The following KCNQ4 variants were observed in gnomAD, a reference collection of about 807,000 sequenced individuals.
KCNQ4 encodes potassium voltage-gated channel subfamily Q member 4, also known as potassium voltage-gated channel subfamily KQT member 4.
KCNQ4 carries 31 observed loss-of-function variants against 72.6 expected under a neutral mutation model. The ratio of observed to expected loss-of-function variants is 0.43; its 90% CI spans 0.32 to 0.58. The LOEUF (loss-of-function observed/expected upper bound fraction) is 0.58. Among genes scored for constraint, KCNQ4 ranks in the 20% least tolerant of loss-of-function variants. The pLI is 0.08. For missense variants in KCNQ4, 869 were observed against 962.6 expected, an observed-to-expected ratio of 0.90 and a Z score of 1.29; for synonymous variants, 405 against 403.7, an observed-to-expected ratio of 1.00 and a Z score of -0.04.
chr1:40,802,796 G>A (rs1647624317), intron 1 of KCNQ4, among the ~76,000 whole-genome samples: 2 of 152,202 alleles, frequency 1.3e-5, no homozygotes, highest in South Asian at 4.1e-4. Context: ...GGTTCACCCA[G>A]GGGAGACCCC....
In KCNQ4 at chr1:40,818,643, G is replaced by T; in HGVS notation, c.671G>T (p.Trp224Leu). Reference sequence around the variant, plus strand: ...CGCATGGACCGCCGCGGCGGCACCTGGAAGCTGCTGGGCTCAGTGGTCTAC... The same window carrying T: ...CGCATGGACCGCCGCGGCGGCACCTTGAAGCTGCTGGGCTCAGTGGTCTAC... ...MVRMDRRGGT[W>L]KLLGSVVYAH... Residue 224 changes from tryptophan to leucine, a missense_variant, in exon 4 of 14, where the codon TGG becomes TTG. Coordinates refer to ENST00000347132, the MANE Select transcript of KCNQ4 (RefSeq NM_004700.4). 6.2e-7 allele frequency: 1 copy of T among 1,606,342 alleles called. No homozygotes were observed. Among genetic ancestry groups the T allele is most frequent in the East Asian group, 2.2e-5 (1 of 44,776 alleles).
rs12037865 is a variant in KCNQ4, at chr1:40,786,496, G to A, written c.314+2089G>A. Among the ~76,000 whole-genome samples, 185 of 152,320 alleles carry A rather than the reference G, an allele frequency of 1.2e-3. 2 individuals are homozygous for A. In the East Asian group the frequency reaches 0.032, roughly 27 times the overall value. Reference sequence around the variant, plus strand: ...GTGCTTGTCCTGACCACTTGTCCCCGGGAGCCCAGGGCCAGGGCATGTCTT... The same window carrying A: ...GTGCTTGTCCTGACCACTTGTCCCCAGGAGCCCAGGGCCAGGGCATGTCTT... On this transcript the variant is annotated intron_variant, in intron 1 of 13. Transcript: ENST00000347132.
rs1648237097 is a variant in KCNQ4 at position 40,819,934 on chromosome 1, C to T, written c.894C>T (p.Val298=). ...DKTPHTWLGR[V]LAAGFALLGI... ...CACCGCACACATGGCTGGGCAGGGT[C>T]CTGGCTGCTGGCTTCGCCTTACTGG... Residue 298 remains valine, a synonymous_variant, in exon 6 of 14, where the codon GTC becomes GTT. Transcript: ENST00000347132. The T allele has an allele frequency of 1.2e-6, 2 of 1,614,208 alleles. No homozygotes were observed. Among genetic ancestry groups the T allele is most frequent in the Non-Finnish European group, 1.7e-6 (2 of 1,180,028 alleles).
intron 1 of KCNQ4, among the ~76,000 whole-genome samples, chr1:40,795,255 C>CT (rs10632610): frequency 0.043 from 5,584 of 128,476 alleles, 208 homozygotes; most frequent in Middle Eastern, 0.11. Context: ...GTGGTTTTAC[C>CT]TTTTTTTTTT....
rs913378 is a variant in KCNQ4, at chr1:40,832,980, T to C, written c.1514-34T>C. ...GATGGGAGGTTGGGAGTGGCCCCTT[T>C]GGTGGGCCACTTGCCCCATACCTGC... On this transcript the variant is annotated intron_variant, in intron 10 of 13. Coordinates refer to ENST00000347132, the MANE Select transcript of KCNQ4 (RefSeq NM_004700.4). 1,052,318 of 1,534,956 alleles carry C rather than the reference T, an allele frequency of 0.69. 362,002 individuals carry two copies. Among genetic ancestry groups the C allele is most frequent in the East Asian group, 0.87 (38,608 of 44,522 alleles).
At chr1:40,809,532 C>T (rs1647862561) in intron 1 of KCNQ4, among the ~76,000 whole-genome samples, 1 of 152,198 alleles carries the variant, frequency 6.6e-6, no homozygotes, top group Non-Finnish European at 1.5e-5. Flanking sequence ...AGAAGTTGTT[C>T]TCCTTCCTAG....
At chr1:40,834,319 TCA>T (rs1386730974) in intron 11 of KCNQ4, among the ~76,000 whole-genome samples, 1 of 152,134 alleles carries the variant, frequency 6.6e-6, no homozygotes, top group African/African-American at 2.4e-5. Context: ...AGGGAGACTT[TCA>T]GCCCCACCTC....
chr1:40,821,779 T>C (rs1000678342), intron 7 of KCNQ4, among the ~76,000 whole-genome samples: 1 of 152,142 alleles, frequency 6.6e-6, no homozygotes, highest in Admixed American at 6.5e-5. Flanking sequence ...GAGAAAGTTA[T>C]CAGTCAAATA....
rs749439118 is a variant in KCNQ4 at position 40,784,301 on chromosome 1, G to T, written c.208G>T (p.Gly70Cys). 11 of 1,596,716 alleles carry T rather than the reference G, an allele frequency of 6.9e-6. No individual in the cohort carries two copies. The highest frequency in any genetic ancestry group is 8.5e-6 in the Non-Finnish European group (10 of 1,174,870). The change falls in exon 1 of 14, where the codon GGC (glycine) becomes TGC (cysteine). Residue 70 changes from glycine to cysteine, a missense_variant. By Grantham distance (159) the Gly-to-Cys change is radical (BLOSUM62 -3). Around this residue, in one of 5 missense-constraint regions of KCNQ4, gnomAD observed 178 missense variants for 145.3 expected, o/e 1.22. Coordinates refer to ENST00000347132, the MANE Select transcript of KCNQ4 (RefSeq NM_004700.4). This position sits in a 1 kb window ranked among gnomAD's most constrained non-coding sequence, Gnocchi z 4.1. ...GGGCTCCGGCTCGGGCTCCGCCTGC[G>T]GCCAGCGCTCCTCGGCCGCGCACAA... Reference protein sequence around the residue: ...GPGSGSGSACGQRSSAAHKRY... With the variant: ...GPGSGSGSACCQRSSAAHKRY...
In KCNQ4 at chr1:40,818,729, C is replaced by A. The variant is rs781511825; in HGVS notation, c.708+49C>A. ...GAGACCCGAGGGCGTGTCTGGGGCACGACCAGAGCGGGCAGGGCGGAGAGG... is the reference window on the plus strand; with the variant it reads ...GAGACCCGAGGGCGTGTCTGGGGCAAGACCAGAGCGGGCAGGGCGGAGAGG... On this transcript the variant is annotated intron_variant, in intron 4 of 13. Transcript: ENST00000347132. 2.6e-6 allele frequency: 4 copies of A among 1,546,796 alleles called. No individual in the cohort carries two copies. In the South Asian group the frequency reaches 3.5e-5, roughly 14 times the overall value.
rs1417793789 is a variant in KCNQ4 at position 40,796,107 on chromosome 1, C to T, written c.314+11700C>T. Among the ~76,000 whole-genome samples the T allele has an allele frequency of 4.6e-5, 7 of 151,710 alleles. No homozygotes were observed. The East Asian group carries it at 9.7e-4, about 21-fold the overall frequency. On this transcript the variant is annotated intron_variant, in intron 1 of 13. Coordinates refer to ENST00000347132, the MANE Select transcript of KCNQ4 (RefSeq NM_004700.4). ...CAGACAACTGAGTGCCTGGAGAGGC[C>T]GAGTGTGCAACGATTCTGTGACATG...
intron 1 of KCNQ4, among the ~76,000 whole-genome samples, chr1:40,786,629 C>T (rs911003038): frequency 1.3e-5 from 2 of 152,162 alleles, no homozygotes; most frequent in Non-Finnish European, 2.9e-5. Context: ...TGTCAGGAAC[C>T]CCACCTCTTA....
chr1:40,790,407 G>A lies in KCNQ4; in HGVS notation c.314+6000G>A, dbSNP rs148379378. On this transcript the variant is annotated intron_variant, in intron 1 of 13. Coordinates refer to ENST00000347132, the MANE Select transcript of KCNQ4 (RefSeq NM_004700.4). ...AGGTGTGCTGGGCTCAGCAAGGTGA[G>A]TGTGTCTGAGTCTGCTCTGGAGAGA... is the stretch of plus-strand genomic sequence containing the variant. Among the ~76,000 whole-genome samples the A allele has an allele frequency of 1.2e-4, 19 of 152,296 alleles. No homozygotes were observed. In the East Asian group the frequency reaches 3.7e-3, roughly 29 times the overall value.
At chr1:40,827,320 G>T (rs939018684) in intron 9 of KCNQ4, among the ~76,000 whole-genome samples, 3 of 152,226 alleles carry the variant, frequency 2.0e-5, no homozygotes, top group Non-Finnish European at 4.4e-5. Context: ...CACAGGGGCT[G>T]TGGAGCCCGG....
chr1:40,819,729 G>A, intron 5 of KCNQ4, 146 bp from the exon 6 acceptor site: 4 of 826,166 alleles, frequency 4.8e-6, no homozygotes, highest in Non-Finnish European at 8.5e-6. Flanking sequence ...CCCAGGAGAG[G>A]GAGAATCCAT....
chr1:40,824,648 T>C (rs892990591), intron 9 of KCNQ4, among the ~76,000 whole-genome samples: 1 of 152,108 alleles, frequency 6.6e-6, no homozygotes, highest in African/African-American at 2.4e-5. Context: ...TGCTTACGGC[T>C]CAGGTAATCG....
At position 40,795,449 on chromosome 1, in the gene KCNQ4, A is replaced by G. The variant is rs914731528; in HGVS notation, c.314+11042A>G. On this transcript the variant is annotated intron_variant, in intron 1 of 13. Coordinates refer to ENST00000347132, the MANE Select transcript of KCNQ4 (RefSeq NM_004700.4). Reference sequence around the variant, plus strand: ...GCTAATTTTTAAATTTTTTGTAGAGAGGGGATCTTGTTATGTTGCCCAGGC... The same window carrying G: ...GCTAATTTTTAAATTTTTTGTAGAGGGGGGATCTTGTTATGTTGCCCAGGC... Among the ~76,000 whole-genome samples the G allele has an allele frequency of 2.6e-5, 4 of 151,674 alleles. No homozygotes were observed. The East Asian group carries it at 7.8e-4, about 29-fold the overall frequency.
intron 1 of KCNQ4, among the ~76,000 whole-genome samples, chr1:40,792,402 A>AG (rs1647300197): frequency 6.6e-6 from 1 of 151,876 alleles, no homozygotes; most frequent in Non-Finnish European, 1.5e-5. Context: ...AGGCCTTTCT[A>AG]CCCCCATCCT....
At chr1:40,821,373 A>T (rs1170363725) in intron 7 of KCNQ4, among the ~76,000 whole-genome samples, 1 of 152,142 alleles carries the variant, frequency 6.6e-6, no homozygotes, top group Non-Finnish European at 1.5e-5. Context: ...GCATCCAAAG[A>T]AGGGAGGCGT....
Sources: allele counts gnomAD v4.1 joint callset (sites outside exome capture counted in the v4.1 genomes callset), GRCh38; gene constraint gnomAD v4.1.1; regional missense constraint gnomAD v4.1.1; non-coding constraint Gnocchi (gnomAD v3.1); transcripts MANE v1.5; gene names NCBI Gene and HGNC (gene_info 2026-07-23, HGNC 2026-07-21).